Variants in GAREM1 observed in about 807,000 individuals in gnomAD.
GAREM1 encodes the protein GRB2 associated regulator of MAPK1 subtype 1, also known as GRB2-associated and regulator of MAPK protein 1.
Under a neutral mutation model 71.3 loss-of-function variants are expected in GAREM1, and 26 were observed. The observed-to-expected ratio is 0.36, with a 90% CI of 0.27 to 0.51. The LOEUF (loss-of-function observed/expected upper bound fraction) is 0.51, where lower values mean the gene tolerates loss of function less well. Ranked by LOEUF, GAREM1 falls within the 20% of genes least tolerant of loss-of-function variation. The pLI, the probability that GAREM1 is intolerant of heterozygous loss-of-function variation, is 0.95. For missense variants in GAREM1, 1,026 were observed against 1,103.1 expected, an observed-to-expected ratio of 0.93 and a Z score of 0.99; for synonymous variants, 440 against 433.2, an observed-to-expected ratio of 1.02 and a Z score of -0.20.
At chr18:32,411,404 C>T (rs1031944913) in intron 1 of GAREM1, among the ~76,000 whole-genome samples, 3 of 151,988 alleles carry the variant, frequency 2.0e-5, no homozygotes, top group Non-Finnish European at 2.9e-5. Flanking sequence ...ATAAATAAAA[C>T]AAACATAAAA....
chr18:32,347,232 G>A (rs763434926), intron 2 of GAREM1, among the ~76,000 whole-genome samples: 5 of 152,144 alleles, frequency 3.3e-5, no homozygotes, highest in Admixed American at 6.5e-5. Flanking sequence ...CTGGCATGGC[G>A]CTCATGTCTG....
chr18:32,417,580 G>T (rs887227646), intron 1 of GAREM1, among the ~76,000 whole-genome samples: 1 of 152,094 alleles, frequency 6.6e-6, no homozygotes, highest in African/African-American at 2.4e-5. Flanking sequence ...AACATGGGTG[G>T]AACTGGAGGT....
intron 1 of GAREM1, chr18:32,412,582 AACC>A (rs2048431076): frequency 6.4e-7 from 1 of 1,570,738 alleles, no homozygotes; most frequent in Non-Finnish European, 8.6e-7. Flanking sequence ...AAGTTTCCAG[AACC>A]ACTTCGACCT....
chr18:32,305,845 G>A (rs954588043), intron 3 of GAREM1, among the ~76,000 whole-genome samples: 1 of 152,142 alleles, frequency 6.6e-6, no homozygotes, highest in Non-Finnish European at 1.5e-5. Flanking sequence ...ATGGCTCAGT[G>A]TGACCTGTCA....
rs1211207054 is a variant in GAREM1, at chr18:32,265,208, T to G, written c.*2663A>C. The G allele has an allele frequency of 1.3e-5, 2 of 152,196 alleles. No homozygotes were observed. The highest frequency in any genetic ancestry group is 4.8e-5 in the African/African-American group (2 of 41,426). The allele number at this position is 152,196 out of a possible 1,614,324, so 9.4% of individuals were successfully genotyped here. ...TGGCAATTTCATTTATTTGTGGCAT[T>G]TATTTGTGACAGAAGATATTTATTA... On this transcript the variant is annotated 3_prime_UTR_variant, in exon 6 of 6. Coordinates refer to ENST00000269209, the MANE Select transcript of GAREM1 (RefSeq NM_001242409.2).
At chr18:32,389,032 A>C (rs1380401536) in intron 2 of GAREM1, among the ~76,000 whole-genome samples, 1 of 152,186 alleles carries the variant, frequency 6.6e-6, no homozygotes, top group Non-Finnish European at 1.5e-5. Flanking sequence ...TAAATAGCAT[A>C]TTTGTCTGTA....
At chr18:32,448,732 G>A (rs2048806586) in intron 1 of GAREM1, among the ~76,000 whole-genome samples, 1 of 152,128 alleles carries the variant, frequency 6.6e-6, no homozygotes, top group Admixed American at 6.5e-5. Context: ...AAACCAAGAA[G>A]GAAAAATGCA....
rs915820707 is a variant in GAREM1 at position 32,266,459 on chromosome 18, A to G, written c.*1412T>C. On this transcript the variant is annotated 3_prime_UTR_variant, in exon 6 of 6. Coordinates refer to ENST00000269209, the MANE Select transcript of GAREM1 (RefSeq NM_001242409.2). ...GGGGCCAGACTCTCAGGTGCAGGGG[A>G]GTAGATGATGCCTTGCTCTGAGAAC... The G allele has an allele frequency of 3.3e-5, 5 of 152,130 alleles. No individual in the cohort carries two copies. The highest frequency in any genetic ancestry group is 1.3e-4 in the Admixed American group (2 of 15,262). The allele number at this position is 152,130 out of a possible 1,614,324, so 9.4% of individuals were successfully genotyped here.
chr18:32,301,736 T>C (rs939697701), intron 3 of GAREM1, among the ~76,000 whole-genome samples: 4 of 152,248 alleles, frequency 2.6e-5, no homozygotes, highest in Non-Finnish European at 5.9e-5. Flanking sequence ...TCTCAGGAAT[T>C]GCATCTTCAT....
At chr18:32,400,932 C>G (rs2048308336) in intron 1 of GAREM1, among the ~76,000 whole-genome samples, 1 of 148,098 alleles carries the variant, frequency 6.8e-6, no homozygotes, top group Non-Finnish European at 1.5e-5. Flanking sequence ...CCCAAATGTC[C>G]AACAATGATA....
chr18:32,370,704 T>C (rs557530957), intron 2 of GAREM1, among the ~76,000 whole-genome samples: 1 of 152,288 alleles, frequency 6.6e-6, no homozygotes, highest in African/African-American at 2.4e-5. Context: ...CGATCAGTAA[T>C]AGATGCTAAT....
chr18:32,402,877 C>T (rs2048328438), intron 1 of GAREM1, among the ~76,000 whole-genome samples: 2 of 147,846 alleles, frequency 1.4e-5, no homozygotes, highest in South Asian at 2.1e-4. Context: ...TATCTGTGCT[C>T]GTGGAGTGGA....
chr18:32,399,642 A>G (rs2048292277), intron 1 of GAREM1, among the ~76,000 whole-genome samples: 2 of 152,214 alleles, frequency 1.3e-5, no homozygotes. Context: ...TTCAAGGAGA[A>G]CTACAAACCA....
intron 2 of GAREM1, among the ~76,000 whole-genome samples, chr18:32,366,436 T>C (rs765429365): frequency 6.6e-6 from 1 of 152,132 alleles, no homozygotes; most frequent in Non-Finnish European, 1.5e-5. Context: ...TAAATAAAAT[T>C]AGGGCAAGGG....
chr18:32,424,133 T>C (rs1242805742), intron 1 of GAREM1, among the ~76,000 whole-genome samples: 1 of 146,810 alleles, frequency 6.8e-6, no homozygotes, highest in Non-Finnish European at 1.5e-5. Context: ...GAGACCCCCA[T>C]CTCCCCACCA....
chr18:32,439,071 G>A (rs1194072097), intron 1 of GAREM1, among the ~76,000 whole-genome samples: 4 of 152,128 alleles, frequency 2.6e-5, no homozygotes, highest in Non-Finnish European at 4.4e-5. Flanking sequence ...TTGCGAACAG[G>A]TGTCACTGCC....
In GAREM1 at chr18:32,273,163, T is replaced by C. The variant is rs149345301; in HGVS notation, c.1567-2780A>G. On this transcript the variant is annotated intron_variant, in intron 4 of 5. Transcript: ENST00000269209. ...ACTTTTCAATTTTAAAATAAATACT[T>C]AGCTACTTCCCAATATTGGATTAGA... Among the ~76,000 whole-genome samples the C allele has an allele frequency of 1.8e-3, 268 of 152,314 alleles. 1 individual carries two copies. Among genetic ancestry groups the C allele is most frequent in the African/African-American group, 5.7e-3 (237 of 41,564 alleles).
chr18:32,296,256 C>T (rs1598938958), intron 3 of GAREM1, among the ~76,000 whole-genome samples: 1 of 152,112 alleles, frequency 6.6e-6, no homozygotes, highest in African/African-American at 2.4e-5. Context: ...CCACCACGCC[C>T]AGGTAGCTTT....
Position 32,268,320 on chromosome 18 carries a change from T to TG in GAREM1, c.2181dup (p.Arg728GlnfsTer22). 2 of 1,614,038 alleles carry TG rather than the reference T, an allele frequency of 1.2e-6. No individual in the cohort carries two copies. The highest frequency in any genetic ancestry group is 8.5e-7 in the Non-Finnish European group (1 of 1,179,986). On this transcript the variant is annotated frameshift_variant, in exon 6 of 6. Coordinates refer to ENST00000269209, the MANE Select transcript of GAREM1 (RefSeq NM_001242409.2). LOFTEE classifies it high-confidence loss of function. ...TTCTCTTCCACTAGTTTTGGAGCCC[T>TG]GGGGGGTAAGGCAGGGCATGACGTA...
Sources: allele counts gnomAD v4.1 joint callset (sites outside exome capture counted in the v4.1 genomes callset), GRCh38; gene constraint gnomAD v4.1.1; transcripts MANE v1.5; gene names NCBI Gene and HGNC (gene_info 2026-07-23, HGNC 2026-07-21).